Variants in GPX2 observed in about 807,000 individuals in gnomAD.
GPX2 encodes gastrointestinal glutathione peroxidase.
In GPX2, 21 loss-of-function variants were observed where a neutral mutation model predicts 14.1. The ratio of observed to expected loss-of-function variants is 1.48; its 90% CI spans 1.05 to 2.14. The LOEUF (loss-of-function observed/expected upper bound fraction) is 2.14, where lower values mean the gene tolerates loss of function less well. GPX2 is among the 30% of genes most tolerant of loss of function. GPX2 has a pLI of 0.00. For missense variants in GPX2, 241 were observed against 249.8 expected, an observed-to-expected ratio of 0.96 and a Z score of 0.24; for synonymous variants, 94 against 95.2, an observed-to-expected ratio of 0.99 and a Z score of 0.07.
chr14:64,941,494 G>A (rs1296432238), intron 1 of GPX2: 3 of 1,288,684 alleles, frequency 2.3e-6, no homozygotes, highest in Middle Eastern at 2.2e-4. Context: ...GGGACATCTC[G>A]AAAGAGGGTT....
chr14:64,940,489 C>T lies in GPX2; in HGVS notation c.223-651G>A, dbSNP rs1885573016. The stretch of plus-strand genomic sequence containing the variant: ...CTTGCCTTGTCCTAGAACTGAAGTA[C>T]AAATGGGAAGAAGCTTTGATGAAGG... On this transcript the variant is annotated intron_variant, in intron 1 of 1. Transcript: ENST00000389614. This position sits in a 1 kb window ranked among gnomAD's most constrained non-coding sequence, Gnocchi z 4.5. Among the ~76,000 whole-genome samples the T allele has an allele frequency of 6.6e-6, 1 of 152,102 alleles. No individual in the cohort carries two copies. The highest frequency in any genetic ancestry group is 2.4e-5 in the African/African-American group (1 of 41,398).
Position 64,942,646 on chromosome 14 carries a change from C to T in GPX2, c.81G>A (p.Arg27=). The change falls in exon 1 of 2, where the codon CGG becomes CGA. Residue 27 remains arginine (R), a synonymous_variant. Coordinates refer to ENST00000389614, the MANE Select transcript of GPX2 (RefSeq NM_002083.4). The stretch of plus-strand genomic sequence containing the variant: ...CATTCTCAATCAGCACGGCCCTGCC[C>T]CGGAACGTATTGAAATCTACCTTCT... ...DGEKVDFNTF[R]GRAVLIENVA... The T allele has an allele frequency of 6.2e-7, 1 of 1,614,188 alleles. No homozygotes were observed. The highest frequency in any genetic ancestry group is 8.5e-7 in the Non-Finnish European group (1 of 1,180,032).
Position 64,942,702 on chromosome 14 carries a change from A to G in GPX2, c.25T>C (p.Tyr9His). 6.2e-7 allele frequency: 1 copy of G among 1,614,116 alleles called. No homozygotes were observed. Among genetic ancestry groups the G allele is most frequent in the Non-Finnish European group, 8.5e-7 (1 of 1,179,998 alleles). Residue 9 changes from tyrosine to histidine, a missense_variant, in exon 1 of 2, where the codon TAT becomes CAT. By Grantham distance (83) the Tyr-to-His change is moderately conservative (BLOSUM62 2). Coordinates refer to ENST00000389614, the MANE Select transcript of GPX2 (RefSeq NM_002083.4). MAFIAKSF[Y>H]DLSAISLDGE... ...TCCAGGCTGATGGCACTGAGGTCAT[A>G]GAAGGACTTGGCAATGAAAGCCATG...
At chr14:64,941,807 A>C (rs1885656626) in intron 1 of GPX2, among the ~76,000 whole-genome samples, 1 of 152,232 alleles carries the variant, frequency 6.6e-6, no homozygotes, top group East Asian at 1.9e-4. Flanking sequence ...CCCATTAATC[A>C]GAAATAGGTG....
In GPX2 at chr14:64,942,529, G is replaced by GAAGC; in HGVS notation, c.194_197dup (p.Phe66LeufsTer?). 1 of 1,614,144 alleles carries GAAGC rather than the reference G, an allele frequency of 6.2e-7. No individual in the cohort carries two copies. Among genetic ancestry groups the GAAGC allele is most frequent in the South Asian group, 1.1e-5 (1 of 91,082 alleles). On this transcript the variant is annotated frameshift_variant, in exon 1 of 2. Transcript: ENST00000389614. LOFTEE classifies it high-confidence loss of function. ...CCTGATGTCCAAATTGGTTGCAAGG[G>GAAGC]AAGCCAAGGACCACCAGGCGCCTGG... is the stretch of plus-strand genomic sequence containing the variant.
chr14:64,939,957 A>AGGAG lies in GPX2; in HGVS notation c.223-120_223-119insCTCC, dbSNP rs6413431. 314,130 of 1,470,232 alleles carry AGGAG rather than the reference A, an allele frequency of 0.21. 34,811 individuals are homozygous for AGGAG. The highest frequency in any genetic ancestry group is 0.41 in the African/African-American group (28,609 of 70,568). The allele number at this position is 1,470,232 out of a possible 1,614,324, so 91.1% of individuals were successfully genotyped here. On this transcript the variant is annotated intron_variant, in intron 1 of 1. Transcript: ENST00000389614. This position sits in a 1 kb window ranked among gnomAD's most constrained non-coding sequence, Gnocchi z 5.7. Reference sequence around the variant, plus strand: ...CCAGGGTCATTCTTTTTCACTGTGAAAGAGAGAGAGACAAGACAGACGAGG... The same window carrying AGGAG: ...CCAGGGTCATTCTTTTTCACTGTGAAGGAGAGAGAGAGAGACAAGACAGACGAGG...
At position 64,939,375 on chromosome 14, in the gene GPX2, G is replaced by A. The variant is rs1451161515; in HGVS notation, c.*113C>T. The A allele has an allele frequency of 1.3e-6, 1 of 791,018 alleles. No individual in the cohort carries two copies. The highest frequency in any genetic ancestry group is 2.1e-6 in the Non-Finnish European group (1 of 469,374). 49.0% of individuals were successfully genotyped at this position (791,018 alleles called of 1,614,324 possible). On this transcript the variant is annotated 3_prime_UTR_variant, in exon 2 of 2. Transcript: ENST00000389614. The surrounding 1 kb of genome is among the most constrained non-coding windows in gnomAD (Gnocchi z 5.7). ...AAAGGCAAGGCTCTGCAGTGAAGGG[G>A]ACTGATATCAAGGGAATGCTGAGGT...
At chr14:64,942,301 A>G (rs1885695872) in intron 1 of GPX2, among the ~76,000 whole-genome samples, 1 of 152,236 alleles carries the variant, frequency 6.6e-6, no homozygotes, top group Non-Finnish European at 1.5e-5. Flanking sequence ...ACAGTAAACT[A>G]TAAAAATCAC....
rs199610896 is a variant in GPX2, at chr14:64,940,083, AT to A, written c.223-246del. 196,570 of 1,106,610 alleles carry A rather than the reference AT, an allele frequency of 0.18. 2 individuals carry two copies. Among genetic ancestry groups the A allele is most frequent in the South Asian group, 0.2 (12,126 of 61,574 alleles). 68.5% of individuals were successfully genotyped at this position (1,106,610 alleles called of 1,614,324 possible). A position where few individuals can be genotyped will look rare whatever the true frequency, so the allele number is the denominator to read the frequency against. On this transcript the variant is annotated intron_variant, in intron 1 of 1. Coordinates refer to ENST00000389614, the MANE Select transcript of GPX2 (RefSeq NM_002083.4). This position sits in a 1 kb window ranked among gnomAD's most constrained non-coding sequence, Gnocchi z 4.5. ...AGACACAGGCCACCATGCCCGGCTA[AT>A]TTTTTTTTTTTTTTGTAGAGATGGG...
chr14:64,939,571 C>T lies in GPX2; in HGVS notation c.490G>A (p.Glu164Lys). 1 of 1,614,158 alleles carries T rather than the reference C, an allele frequency of 6.2e-7. No individual in the cohort carries two copies. The highest frequency in any genetic ancestry group is 8.5e-7 in the Non-Finnish European group (1 of 1,180,034). The change falls in exon 2 of 2, where the codon GAG becomes AAG. Residue 164 changes from glutamate to lysine, a missense_variant. Physicochemically the swap from Glu to Lys is moderately conservative, Grantham distance 56. Transcript: ENST00000389614. This position sits in a 1 kb window ranked among gnomAD's most constrained non-coding sequence, Gnocchi z 5.7. Reference protein sequence around the residue: ...FEKFLIGPEGEPFRRYSRTFP... With the variant: ...FEKFLIGPEGKPFRRYSRTFP... ...GTGCGGCTGTAGCGTCGGAAGGGCT[C>T]TCCCTCCGGCCCTATGAGGAACTTC...
chr14:64,942,508 A>T lies in GPX2; in HGVS notation c.219T>A (p.His73Gln), dbSNP rs1885712822. Residue 73 changes from histidine to glutamine, a missense_variant, in exon 1 of 2, where the codon CAT becomes CAA. Coordinates refer to ENST00000389614, the MANE Select transcript of GPX2 (RefSeq NM_002083.4). ...ATTACAAGGAGGGACCCCTCACCTG[A>T]TGTCCAAATTGGTTGCAAGGGAAGC... ...VLGFPCNQFG[H>Q]QENCQNEEIL... is the part of the protein sequence containing the mutation. The T allele has an allele frequency of 6.2e-7, 1 of 1,613,602 alleles. No homozygotes were observed. The highest frequency in any genetic ancestry group is 1.7e-5 in the Admixed American group (1 of 59,992).
chr14:64,941,037 A>G (rs1280000931), intron 1 of GPX2, among the ~76,000 whole-genome samples: 1 of 152,154 alleles, frequency 6.6e-6, no homozygotes, highest in Non-Finnish European at 1.5e-5. Context: ...ATGAGCCCAG[A>G]GCTGATCTCT....
intron 1 of GPX2, among the ~76,000 whole-genome samples, 189 bp downstream of exon 1, chr14:64,942,316 C>T (rs1014425151): frequency 6.6e-6 from 1 of 152,180 alleles, no homozygotes; most frequent in Non-Finnish European, 1.5e-5. Context: ...AATCACACAG[C>T]CTCAGTGTTT....
In GPX2 at chr14:64,939,267, G is replaced by C; in HGVS notation, c.*221C>G. The C allele has an allele frequency of 1.8e-6, 1 of 560,272 alleles. No individual in the cohort carries two copies. Among genetic ancestry groups the C allele is most frequent in the African/African-American group, 1.9e-5 (1 of 53,268 alleles). 34.7% of individuals were successfully genotyped at this position (560,272 alleles called of 1,614,324 possible). A position where few individuals can be genotyped will look rare whatever the true frequency, so the allele number is the denominator to read the frequency against. On this transcript the variant is annotated 3_prime_UTR_variant, in exon 2 of 2. Transcript: ENST00000389614. This position sits in a 1 kb window ranked among gnomAD's most constrained non-coding sequence, Gnocchi z 5.7. ...AGGAAGGTGCCATCATTCTGTGAAGGCCCAGAGCTTACCCAAGTCTTGGAG... is the reference window on the plus strand; with the variant it reads ...AGGAAGGTGCCATCATTCTGTGAAGCCCCAGAGCTTACCCAAGTCTTGGAG...
At position 64,939,808 on chromosome 14, in the gene GPX2, T is replaced by C; in HGVS notation, c.253A>G (p.Ser85Gly). Reference sequence around the variant, plus strand: ...CCCCCAGGACGGACATACTTGAGACTGTTCAGGATCTCCTCATTCTGACAG... The same window carrying C: ...CCCCCAGGACGGACATACTTGAGACCGTTCAGGATCTCCTCATTCTGACAG... The part of the protein sequence containing the change: ...ENCQNEEILN[S>G]LKYVRPGGGY... Residue 85 changes from serine to glycine, a missense_variant, in exon 2 of 2, where the codon AGT becomes GGT. Physicochemically the swap from Ser to Gly is moderately conservative, Grantham distance 56. Coordinates refer to ENST00000389614, the MANE Select transcript of GPX2 (RefSeq NM_002083.4). The surrounding 1 kb of genome is among the most constrained non-coding windows in gnomAD (Gnocchi z 5.7). 6.2e-7 allele frequency: 1 copy of C among 1,614,182 alleles called. No homozygotes were observed. Among genetic ancestry groups the C allele is most frequent in the East Asian group, 2.2e-5 (1 of 44,886 alleles).
chr14:64,942,206 T>G (rs1187210394), intron 1 of GPX2, among the ~76,000 whole-genome samples: 1 of 152,216 alleles, frequency 6.6e-6, no homozygotes, highest in Non-Finnish European at 1.5e-5. Flanking sequence ...ATTTAATGAG[T>G]GCTTTCTGTG....
Position 64,940,474 on chromosome 14 carries a change from C to G in GPX2, c.223-636G>C, listed in dbSNP as rs1232877373. 6.6e-6 allele frequency among the ~76,000 whole-genome samples: 1 copy of G among 152,136 alleles called. No homozygotes were observed. Among genetic ancestry groups the G allele is most frequent in the Non-Finnish European group, 1.5e-5 (1 of 68,032 alleles). On this transcript the variant is annotated intron_variant, in intron 1 of 1. Coordinates refer to ENST00000389614, the MANE Select transcript of GPX2 (RefSeq NM_002083.4). The surrounding 1 kb of genome is among the most constrained non-coding windows in gnomAD (Gnocchi z 4.5). ...GCTTCTTGCTTTCTTCTTGCCTTGT[C>G]CTAGAACTGAAGTACAAATGGGAAG... is the stretch of plus-strand genomic sequence containing the variant.
rs1885549688 is a variant in GPX2 at position 64,940,128 on chromosome 14, T to C, written c.223-290A>G. ...AGATGGGGTCTCACTTTGTTGCCCA[T>C]GCTTTGGCTGCTCTTCAAGATTTAG... On this transcript the variant is annotated intron_variant, in intron 1 of 1. Transcript: ENST00000389614. The surrounding 1 kb of genome is among the most constrained non-coding windows in gnomAD (Gnocchi z 4.5). 1 of 1,384,922 alleles carries C rather than the reference T, an allele frequency of 7.2e-7. No homozygotes were observed. The highest frequency in any genetic ancestry group is 9.5e-7 in the Non-Finnish European group (1 of 1,051,108). 85.8% of individuals were successfully genotyped at this position (1,384,922 alleles called of 1,614,324 possible). A position where few individuals can be genotyped will look rare whatever the true frequency, so the allele number is the denominator to read the frequency against.
Position 64,939,240 on chromosome 14 carries a change from T to G in GPX2, c.*248A>C. 2 of 494,442 alleles carry G rather than the reference T, an allele frequency of 4.0e-6. No homozygotes were observed. The highest frequency in any genetic ancestry group is 7.4e-6 in the Non-Finnish European group (2 of 272,010). 30.6% of individuals were successfully genotyped at this position (494,442 alleles called of 1,614,324 possible). On this transcript the variant is annotated 3_prime_UTR_variant, in exon 2 of 2. Coordinates refer to ENST00000389614, the MANE Select transcript of GPX2 (RefSeq NM_002083.4). The surrounding 1 kb of genome is among the most constrained non-coding windows in gnomAD (Gnocchi z 5.7). ...CCTCTCAGACACCACCCATGAGGGT[T>G]TAGGAAGGTGCCATCATTCTGTGAA... is the stretch of plus-strand genomic sequence containing the variant.
Sources: gnomAD v4.1 joint callset for allele counts (sites outside exome capture counted in the v4.1 genomes callset) on GRCh38, gnomAD v4.1.1 for gene constraint, Gnocchi (gnomAD v3.1) non-coding constraint, MANE v1.5 for transcripts, NCBI Gene and HGNC (gene_info 2026-07-23, HGNC 2026-07-21) for gene names.